The following ZSWIM6 variants were observed in gnomAD, a reference collection of about 807,000 sequenced individuals.
The protein encoded by ZSWIM6 is zinc finger SWIM domain-containing protein 6.
ZSWIM6 carries 9 observed loss-of-function variants against 113.2 expected under a neutral mutation model. The ratio of observed to expected loss-of-function variants is 0.08; its 90% confidence interval spans 0.05 to 0.14. ZSWIM6 has a LOEUF of 0.14. ZSWIM6 is among the 10% of genes least tolerant of loss of function. The pLI is 1.00. For missense variants in ZSWIM6, 1,162 were observed against 1,552.2 expected, an observed-to-expected ratio of 0.75 and a Z score of 4.22; for synonymous variants, 611 against 606.5, an observed-to-expected ratio of 1.01 and a Z score of -0.11.
intron 1 of ZSWIM6, among the ~76,000 whole-genome samples, chr5:61,435,442 C>T (rs1378445948): frequency 1.3e-5 from 2 of 152,128 alleles, no homozygotes; most frequent in Non-Finnish European, 2.9e-5. Context: ...TTTAGTGTTT[C>T]GCCTAGGTAC....
At chr5:61,522,418 A>T (rs543591241) in intron 5 of ZSWIM6, among the ~76,000 whole-genome samples, 4 of 152,298 alleles carry the variant, frequency 2.6e-5, no homozygotes, top group African/African-American at 9.6e-5. Context: ...TACATTCTCT[A>T]TGTACTAGCC....
intron 1 of ZSWIM6, chr5:61,391,253 C>G (rs923546980): frequency 1.1e-6 from 1 of 899,004 alleles, no homozygotes; most frequent in East Asian, 2.4e-5. Flanking sequence ...ACTTGGTTCA[C>G]AGGTACCTGC....
chr5:61,473,142 G>T (rs192599754), intron 2 of ZSWIM6, 105 bp downstream of exon 2: 16 of 721,332 alleles, frequency 2.2e-5, no homozygotes, highest in Admixed American at 2.0e-4. Flanking sequence ...TAGATCATCA[G>T]CATTGCTCTT....
At chr5:61,356,739 T>TATTA (rs397700664) in intron 1 of ZSWIM6, among the ~76,000 whole-genome samples, 47 of 130,576 alleles carry the variant, frequency 3.6e-4, no homozygotes, top group South Asian at 2.3e-3. Context: ...ATAATATATA[T>TATTA]TATATATATA....
intron 2 of ZSWIM6, among the ~76,000 whole-genome samples, chr5:61,476,129 G>A (rs1030436953): frequency 9.2e-5 from 14 of 152,126 alleles, no homozygotes; most frequent in Admixed American, 8.5e-4. Flanking sequence ...AAAATATGTT[G>A]ATAACAGTAG....
intron 1 of ZSWIM6, among the ~76,000 whole-genome samples, chr5:61,459,538 A>G (rs1025467953): frequency 6.6e-6 from 1 of 151,898 alleles, no homozygotes; most frequent in Non-Finnish European, 1.5e-5. Flanking sequence ...CTTAGTCACA[A>G]CTCTTTCATA....
rs1580077936 is a variant in ZSWIM6, at chr5:61,545,257, G to A, written c.*940G>A. ...ATGTATATATATTTATACAACTTAT[G>A]TATACATATATATATGTATACACAC... On this transcript the variant is annotated 3_prime_UTR_variant, in exon 14 of 14. Coordinates refer to ENST00000252744, the MANE Select transcript of ZSWIM6 (RefSeq NM_020928.2). 2 of 151,440 alleles carry A rather than the reference G, an allele frequency of 1.3e-5. No homozygotes were observed. Among genetic ancestry groups the A allele is most frequent in the East Asian group, 3.9e-4 (2 of 5,160 alleles). The allele number at this position is 151,440 out of a possible 1,614,324, so 9.4% of individuals were successfully genotyped here.
chr5:61,432,856 A>T (rs1746616535), intron 1 of ZSWIM6, among the ~76,000 whole-genome samples: 1 of 152,212 alleles, frequency 6.6e-6, no homozygotes, highest in African/African-American at 2.4e-5. Flanking sequence ...AAACAAAAAA[A>T]ACAGTCCACC....
intron 1 of ZSWIM6, among the ~76,000 whole-genome samples, chr5:61,416,356 A>C (rs1746252116): frequency 1.3e-5 from 2 of 152,178 alleles, no homozygotes; most frequent in Admixed American, 1.3e-4. Context: ...GACTTCTTGA[A>C]ATTTTTAATA....
intron 1 of ZSWIM6, among the ~76,000 whole-genome samples, chr5:61,453,205 ATTG>A (rs1474851233): frequency 2.0e-5 from 3 of 151,588 alleles, no homozygotes; most frequent in Non-Finnish European, 4.4e-5. Context: ...TTTTTAGTTT[ATTG>A]TTTTTAATCG....
chr5:61,453,251 C>A (rs994231421), intron 1 of ZSWIM6, among the ~76,000 whole-genome samples: 1 of 151,996 alleles, frequency 6.6e-6, no homozygotes, highest in Non-Finnish European at 1.5e-5. Flanking sequence ...CTATGTACAA[C>A]GTGCTATTTT....
chr5:61,480,234 A>G (rs1747819268), intron 2 of ZSWIM6, among the ~76,000 whole-genome samples: 1 of 152,204 alleles, frequency 6.6e-6, no homozygotes, highest in African/African-American at 2.4e-5. Flanking sequence ...GAATACGTAT[A>G]CTATTGAACT....
chr5:61,387,915 G>C (rs989741199), intron 1 of ZSWIM6, among the ~76,000 whole-genome samples: 9 of 150,390 alleles, frequency 6.0e-5, no homozygotes, highest in Admixed American at 2.7e-4. Flanking sequence ...CCTCTTTGAG[G>C]GGGGGAGAAA....
At chr5:61,376,036 C>T (rs1349394021) in intron 1 of ZSWIM6, among the ~76,000 whole-genome samples, 14 of 99,402 alleles carry the variant, frequency 1.4e-4, no homozygotes, top group African/African-American at 5.6e-4. Context: ...TTGCCTGCTG[C>T]TTGAACATCT....
intron 1 of ZSWIM6, among the ~76,000 whole-genome samples, chr5:61,389,067 A>G (rs1008783796): frequency 2.0e-5 from 3 of 152,090 alleles, no homozygotes; most frequent in Admixed American, 2.0e-4. Flanking sequence ...AGAGATGAAA[A>G]ATGCTGAAAG....
intron 1 of ZSWIM6, among the ~76,000 whole-genome samples, chr5:61,385,947 T>C (rs1005081099): frequency 7.2e-5 from 11 of 152,142 alleles, no homozygotes; most frequent in Non-Finnish European, 4.4e-5. Context: ...ACCCTCCCAA[T>C]AGCCACACTT....
At chr5:61,371,971 A>C (rs1199413885) in intron 1 of ZSWIM6, among the ~76,000 whole-genome samples, 2 of 152,194 alleles carry the variant, frequency 1.3e-5, no homozygotes, top group Admixed American at 1.3e-4. Context: ...AAAGTTCCCT[A>C]TGATTTAAAT....
chr5:61,414,764 T>C (rs895393277), intron 1 of ZSWIM6, among the ~76,000 whole-genome samples: 11 of 152,332 alleles, frequency 7.2e-5, no homozygotes, highest in Admixed American at 2.0e-4. Flanking sequence ...TAAGATTATT[T>C]ATGTTTCAAA....
chr5:61,365,234 C>A (rs1441905715), intron 1 of ZSWIM6, among the ~76,000 whole-genome samples: 8 of 152,004 alleles, frequency 5.3e-5, no homozygotes, highest in Admixed American at 2.6e-4. Context: ...TGCTTGTAGT[C>A]CCAGCTGTTT....
Sources: allele counts gnomAD v4.1 joint callset (sites outside exome capture counted in the v4.1 genomes callset), GRCh38; gene constraint gnomAD v4.1.1; transcripts MANE v1.5; gene names NCBI Gene and HGNC (gene_info 2026-07-23, HGNC 2026-07-21).